ANK1: variants seen among roughly 807,000 people sequenced by gnomAD.
ANK1 encodes ankyrin-1.
Under a neutral mutation model 210.4 loss-of-function variants are expected in ANK1, and 51 were observed. The observed-to-expected ratio is 0.24, with a 90% CI of 0.19 to 0.31. ANK1 has a LOEUF of 0.31. Among genes scored for constraint, ANK1 ranks in the 10% least tolerant of loss-of-function variants. The pLI, the probability that ANK1 is intolerant of heterozygous loss-of-function variation, is 1.00. For synonymous variants in ANK1, 967 were observed against 1,025.9 expected (o/e 0.94, Z 1.10); for missense variants, 2,051 against 2,504.4 (o/e 0.82, Z 3.86).
intron 1 of ANK1, among the ~76,000 whole-genome samples, chr8:41,889,394 A>G (rs1301130635): frequency 1.3e-5 from 2 of 152,366 alleles, no homozygotes; most frequent in Non-Finnish European, 2.9e-5. Context: ...CCCTTGATAA[A>G]GAAAGAAGTT....
chr8:41,787,718 G>A (rs1015315559), intron 1 of ANK1, among the ~76,000 whole-genome samples: 1 of 152,172 alleles, frequency 6.6e-6, no homozygotes, highest in Admixed American at 6.5e-5. Flanking sequence ...TCCCAGCTGA[G>A]GTAGGAGGAT....
rs1007422175 is a variant in ANK1, at chr8:41,655,530, C to T, written c.*260G>A. On this transcript the variant is annotated 3_prime_UTR_variant, in exon 43 of 43. Transcript: ENST00000289734. ...TCTTGCTGCTTTTGTGTCCTGGTTC[C>T]GACAGATCAGCTGTCATTGCAAGAG... is the stretch of plus-strand genomic sequence containing the variant. 1.9e-5 allele frequency: 12 copies of T among 639,814 alleles called. No individual in the cohort carries two copies. The highest frequency in any genetic ancestry group is 2.8e-5 in the East Asian group (1 of 35,890). 39.6% of individuals were successfully genotyped at this position (639,814 alleles called of 1,614,324 possible). A position where few individuals can be genotyped will look rare whatever the true frequency, so the allele number is the denominator to read the frequency against.
chr8:41,657,586 C>T (rs1282978817), intron 42 of ANK1, among the ~76,000 whole-genome samples: 2 of 152,214 alleles, frequency 1.3e-5, no homozygotes, highest in Admixed American at 1.3e-4. Context: ...AGAAGTGCTC[C>T]TCAAATAAGA....
intron 1 of ANK1, among the ~76,000 whole-genome samples, chr8:41,848,613 T>C (rs1251332993): frequency 6.6e-6 from 1 of 152,170 alleles, no homozygotes; most frequent in Non-Finnish European, 1.5e-5. Flanking sequence ...ACACTGGGAG[T>C]TGGGGGATAA....
intron 1 of ANK1, among the ~76,000 whole-genome samples, chr8:41,774,984 G>C (rs1843696061): frequency 6.6e-6 from 1 of 152,180 alleles, no homozygotes; most frequent in Admixed American, 6.5e-5. Context: ...TGGTATGCGA[G>C]GAGGAGGAGC....
chr8:41,848,696 T>A (rs2150809894), intron 1 of ANK1, among the ~76,000 whole-genome samples: 1 of 152,328 alleles, frequency 6.6e-6, no homozygotes, highest in Non-Finnish European at 1.5e-5. Context: ...CCAGACTACA[T>A]CAACTTGAAA....
At chr8:41,677,677 C>T (rs1814625233) in intron 37 of ANK1, among the ~76,000 whole-genome samples, 1 of 151,504 alleles carries the variant, frequency 6.6e-6, no homozygotes, top group African/African-American at 2.4e-5. Flanking sequence ...GCAACCTCTG[C>T]CTCCTGGGCT....
chr8:41,706,107 G>A (rs1824501812), intron 18 of ANK1, 36 bp downstream of exon 18: 1 of 1,581,050 alleles, frequency 6.3e-7, no homozygotes, highest in Admixed American at 1.7e-5. Flanking sequence ...TGAGCAAGGA[G>A]TCCACACAGA....
chr8:41,691,810 G>A (rs1467264288), intron 31 of ANK1, among the ~76,000 whole-genome samples: 2 of 152,116 alleles, frequency 1.3e-5, no homozygotes, highest in African/African-American at 4.8e-5. Context: ...GATAATAAAG[G>A]TACCCATAAA....
intron 1 of ANK1, among the ~76,000 whole-genome samples, chr8:41,835,598 G>A (rs569430226): frequency 9.2e-5 from 14 of 152,306 alleles, no homozygotes; most frequent in South Asian, 4.1e-4. Flanking sequence ...GGGGAGGAGC[G>A]GGGAGCAGGG....
intron 24 of ANK1, chr8:41,697,678 G>C (rs540694007): frequency 8.2e-6 from 3 of 366,470 alleles, no homozygotes; most frequent in African/African-American, 6.3e-5. Flanking sequence ...GAGCCTGTCC[G>C]GGGTGCACAG....
intron 42 of ANK1, among the ~76,000 whole-genome samples, chr8:41,658,149 C>T (rs747493139): frequency 6.6e-6 from 1 of 152,208 alleles, no homozygotes; most frequent in Non-Finnish European, 1.5e-5. Flanking sequence ...GGATTACAGG[C>T]ATGAGTCACT....
chr8:41,754,402 C>T (rs1395126251), intron 2 of ANK1, among the ~76,000 whole-genome samples: 1 of 152,146 alleles, frequency 6.6e-6, no homozygotes, highest in Non-Finnish European at 1.5e-5. Context: ...AAGGAACTGC[C>T]CTGAATATTC....
intron 3 of ANK1, 67 bp downstream of exon 3, chr8:41,733,904 T>C (rs1409640716): frequency 1.3e-5 from 17 of 1,314,358 alleles, no homozygotes; most frequent in Admixed American, 3.4e-5. Context: ...GAAGGACTGG[T>C]TTCTAAGGAA....
chr8:41,756,117 T>A (rs1349013964), intron 2 of ANK1, among the ~76,000 whole-genome samples: 1 of 152,172 alleles, frequency 6.6e-6, no homozygotes, highest in Non-Finnish European at 1.5e-5. Flanking sequence ...GCAGGTAGTA[T>A]TTTGCATTTT....
chr8:41,757,979 T>C (rs1839552191), intron 2 of ANK1, 57 bp downstream of exon 2: 9 of 1,468,800 alleles, frequency 6.1e-6, no homozygotes, highest in African/African-American at 1.4e-5. Context: ...TCTCAGGAAA[T>C]GGCATCAGGC....
chr8:41,723,669 T>A, intron 7 of ANK1, 36 bp from the exon 8 acceptor site: 3 of 1,596,448 alleles, frequency 1.9e-6, no homozygotes, highest in Non-Finnish European at 2.6e-6. Context: ...GGGCGCGTCA[T>A]CCTTCCCTGG....
chr8:41,886,350 G>T (rs1818439736), intron 1 of ANK1, among the ~76,000 whole-genome samples: 1 of 152,160 alleles, frequency 6.6e-6, no homozygotes, highest in African/African-American at 2.4e-5. Context: ...TGTGGGGTGG[G>T]TATTATTCTC....
intron 1 of ANK1, among the ~76,000 whole-genome samples, chr8:41,843,409 T>G: frequency 1.4e-5 from 1 of 73,620 alleles, no homozygotes; most frequent in South Asian, 4.9e-4. Flanking sequence ...CCCCACCCAC[T>G]CCCCGCCCAC....
Sources: gnomAD v4.1 joint callset for allele counts (sites outside exome capture counted in the v4.1 genomes callset) on GRCh38, gnomAD v4.1.1 for gene constraint, MANE v1.5 for transcripts, NCBI Gene and HGNC (gene_info 2026-07-23, HGNC 2026-07-21) for gene names.